Variants in IQUB observed in about 807,000 individuals in gnomAD.
IQUB encodes the protein IQ motif and ubiquitin domain containing, also known as IQ motif and ubiquitin-like domain-containing protein.
A neutral mutation model predicts 86.4 loss-of-function variants in IQUB; 86 were observed. The observed-to-expected ratio is 1.00, with a 90% CI of 0.84 to 1.19. The LOEUF is 1.19. IQUB is among the 50% of genes most tolerant of loss of function. The pLI, the probability that IQUB is intolerant of heterozygous loss-of-function variation, is 0.00. For missense variants in IQUB, 946 were observed against 916.9 expected (o/e 1.03, Z -0.41); for synonymous variants, 289 against 304.5 (o/e 0.95, Z 0.53).
intron 1 of IQUB, among the ~76,000 whole-genome samples, chr7:123,531,380 G>C (rs928269366): frequency 6.6e-6 from 1 of 152,052 alleles, no homozygotes; most frequent in African/African-American, 2.4e-5. Context: ...CCTAGGTACT[G>C]CTTGGAGGCA....
chr7:123,461,699 C>T (rs1164068747), intron 10 of IQUB, 94 bp from the exon 11 acceptor site: 1 of 1,087,164 alleles, frequency 9.2e-7, no homozygotes, highest in Admixed American at 3.4e-5. Flanking sequence ...GGCTAACTTA[C>T]TTATCTTAGA....
At chr7:123,495,831 AC>A (rs1330862364) in intron 7 of IQUB, among the ~76,000 whole-genome samples, 1 of 152,134 alleles carries the variant, frequency 6.6e-6, no homozygotes, top group Non-Finnish European at 1.5e-5. Context: ...TGAGCTAAGC[AC>A]AGTAAAAGGC....
intron 1 of IQUB, among the ~76,000 whole-genome samples, chr7:123,517,303 G>A (rs147473270): frequency 0.02 from 3,034 of 151,804 alleles, 100 homozygotes; most frequent in African/African-American, 0.068. Flanking sequence ...AGGCCGAGGC[G>A]GGTGGATCAC....
chr7:123,461,933 A>AT (rs1794009624), intron 10 of IQUB, among the ~76,000 whole-genome samples: 1 of 151,746 alleles, frequency 6.6e-6, no homozygotes. Context: ...GAAAATTTAG[A>AT]TTTTTTTCAG....
intron 7 of IQUB, among the ~76,000 whole-genome samples, chr7:123,485,117 C>G (rs1795164128): frequency 6.6e-6 from 1 of 152,086 alleles, no homozygotes; most frequent in South Asian, 2.1e-4. Context: ...ACTAGGGCTT[C>G]CATAACAAAG....
chr7:123,477,938 A>G (rs1160639784), intron 8 of IQUB, among the ~76,000 whole-genome samples: 1 of 152,146 alleles, frequency 6.6e-6, no homozygotes, highest in Non-Finnish European at 1.5e-5. Flanking sequence ...ATATCAGGAA[A>G]CAACAGATGC....
Position 123,452,857 on chromosome 7 carries a change from C to T in IQUB, c.2262G>A (p.Gln754=). The T allele has an allele frequency of 1.2e-6, 2 of 1,613,484 alleles. No individual in the cohort carries two copies. Among genetic ancestry groups the T allele is most frequent in the Non-Finnish European group, 1.7e-6 (2 of 1,179,646 alleles). The change falls in exon 13 of 13, where the codon CAG becomes CAA. Residue 754 remains glutamine (Q), a synonymous_variant. Coordinates refer to ENST00000324698, the MANE Select transcript of IQUB (RefSeq NM_178827.5). ...GTATAAATGAAGCCAGCACTGGAAC[C>T]TGAGAAAAATAGTTCTTAGCCAGGA... ...KHILAKNYFS[Q]VPVLASFILD...
intron 1 of IQUB, among the ~76,000 whole-genome samples, chr7:123,522,950 G>A (rs1005832127): frequency 4.8e-5 from 7 of 147,168 alleles, no homozygotes; most frequent in Admixed American, 6.9e-5. Flanking sequence ...GAGAATATGC[G>A]GTGTTTGGTT....
At chr7:123,475,570 G>A (rs931173559) in intron 8 of IQUB, among the ~76,000 whole-genome samples, 10 of 151,856 alleles carry the variant, frequency 6.6e-5, no homozygotes, top group African/African-American at 2.4e-4. Flanking sequence ...TGGGGACTGG[G>A]GTAGGGAATG....
intron 9 of IQUB, among the ~76,000 whole-genome samples, chr7:123,465,727 T>C (rs1794224384): frequency 6.6e-6 from 1 of 152,052 alleles, no homozygotes. Flanking sequence ...TTCCGTACTT[T>C]GTACTACATA....
intron 8 of IQUB, among the ~76,000 whole-genome samples, chr7:123,477,554 C>A (rs995145295): frequency 8.5e-5 from 13 of 152,244 alleles, no homozygotes; most frequent in Admixed American, 7.2e-4. Context: ...GTCTAAAACA[C>A]CAAAAGCAAT....
chr7:123,468,127 T>G (rs901069437), intron 9 of IQUB, among the ~76,000 whole-genome samples: 1 of 152,118 alleles, frequency 6.6e-6, no homozygotes, highest in Non-Finnish European at 1.5e-5. Context: ...TAAATGGAAG[T>G]CTGGTAGCCT....
At chr7:123,486,726 G>T (rs906601416) in intron 7 of IQUB, among the ~76,000 whole-genome samples, 3 of 152,082 alleles carry the variant, frequency 2.0e-5, no homozygotes, top group African/African-American at 7.2e-5. Flanking sequence ...CATTTAATTT[G>T]CCCTTTACTC....
At chr7:123,512,751 T>A (rs1406718212) in intron 1 of IQUB, among the ~76,000 whole-genome samples, 6 of 152,260 alleles carry the variant, frequency 3.9e-5, no homozygotes, top group African/African-American at 1.4e-4. Flanking sequence ...ATAGCAAGTG[T>A]ACCCTGAACA....
chr7:123,500,631 A>G (rs1032077010), intron 6 of IQUB, among the ~76,000 whole-genome samples: 2 of 152,126 alleles, frequency 1.3e-5, no homozygotes, highest in African/African-American at 4.8e-5. Context: ...TACTCCCTAT[A>G]CCGGCTTTTA....
chr7:123,485,097 A>G (rs1191811240), intron 7 of IQUB, among the ~76,000 whole-genome samples: 1 of 152,116 alleles, frequency 6.6e-6, no homozygotes, highest in Non-Finnish European at 1.5e-5. Context: ...TTGAGATGCT[A>G]TATTACTTTA....
Position 123,479,818 on chromosome 7 carries a change from C to T in IQUB, c.1387G>A (p.Ala463Thr). The change falls in exon 8 of 13, where the codon GCA becomes ACA. Residue 463 changes from alanine (A) to threonine (T), a missense_variant. Ala to Thr is a moderately conservative substitution (Grantham distance 58). Transcript: ENST00000324698. ...ACCTTATCCAAAAAAGCTTGTATTG[C>T]TGCTTCCTGATTTGCCATATAAGCA... is the stretch of plus-strand genomic sequence containing the variant. Reference protein sequence around the residue: ...YIAYMANQEAAIQAFLDKCSA... With the variant: ...YIAYMANQEATIQAFLDKCSA... 1 of 1,611,944 alleles carries T rather than the reference C, an allele frequency of 6.2e-7. No homozygotes were observed. Among genetic ancestry groups the T allele is most frequent in the Non-Finnish European group, 8.5e-7 (1 of 1,178,980 alleles).
intron 12 of IQUB, chr7:123,457,107 T>C: frequency 1.1e-6 from 1 of 922,850 alleles, no homozygotes; most frequent in Non-Finnish European, 1.3e-6. Context: ...ATCACTGCCT[T>C]CATGGAATTT....
intron 8 of IQUB, among the ~76,000 whole-genome samples, chr7:123,471,260 A>T (rs1055098226): frequency 6.6e-6 from 1 of 152,206 alleles, no homozygotes; most frequent in Non-Finnish European, 1.5e-5. Context: ...TTTATCATTC[A>T]ATTCTCATCA....
Sources: gnomAD v4.1 joint callset for allele counts (sites outside exome capture counted in the v4.1 genomes callset) on GRCh38, gnomAD v4.1.1 for gene constraint, MANE v1.5 for transcripts, NCBI Gene and HGNC (gene_info 2026-07-23, HGNC 2026-07-21) for gene names.